ATAD1: variants seen among roughly 807,000 people sequenced by gnomAD.
The protein encoded by ATAD1 is ATPase family AAA domain containing 1.
Under a neutral mutation model 42.7 loss-of-function variants are expected in ATAD1, and 18 were observed. The ratio of observed to expected loss-of-function variants is 0.42; its 90% CI spans 0.29 to 0.63. The LOEUF (loss-of-function observed/expected upper bound fraction) is 0.63. Ranked by LOEUF, ATAD1 falls within the 20% of genes least tolerant of loss-of-function variation. The pLI is 0.19. For synonymous variants in ATAD1, 132 were observed against 143.1 expected (o/e 0.92, Z 0.55); for missense variants, 294 against 440.4 (o/e 0.67, Z 2.98).
chr10:87,841,313 G>A (rs1484351690), exon 1 of ATAD1: 1 of 152,128 alleles, frequency 6.6e-6, no homozygotes, highest in African/African-American at 2.4e-5. Flanking sequence ...AGTCTATGGG[G>A]GAGATGACAT....
intron 5 of ATAD1, 68 bp downstream of exon 5, chr10:87,784,402 T>C: frequency 1.4e-6 from 2 of 1,463,418 alleles, no homozygotes; most frequent in South Asian, 2.4e-5. Flanking sequence ...TGTTAAAAAC[T>C]AAATCTGGTT....
intron 2 of ATAD1, among the ~76,000 whole-genome samples, chr10:87,813,068 T>C (rs1286266808): frequency 6.6e-6 from 1 of 152,216 alleles, no homozygotes; most frequent in Non-Finnish European, 1.5e-5. Context: ...ATACCTAATA[T>C]TTAGAATAAT....
chr10:87,765,527 A>G (rs1854702791), intron 8 of ATAD1, among the ~76,000 whole-genome samples: 1 of 151,922 alleles, frequency 6.6e-6, no homozygotes, highest in Non-Finnish European at 1.5e-5. Context: ...AAATCGGAAG[A>G]CAACTTGGAA....
chr10:87,829,940 G>A (rs1857798870), intron 1 of ATAD1, among the ~76,000 whole-genome samples: 1 of 152,206 alleles, frequency 6.6e-6, no homozygotes, highest in Admixed American at 6.5e-5. Context: ...CTGCAATCTT[G>A]AAAGAAGTTC....
At chr10:87,797,105 CT>C (rs1226839273) in intron 2 of ATAD1, among the ~76,000 whole-genome samples, 4 of 152,284 alleles carry the variant, frequency 2.6e-5, no homozygotes, top group African/African-American at 9.6e-5. Context: ...GGGGTTTTGT[CT>C]TGGCTAAAGT....
chr10:87,783,076 T>C (rs1260609125), intron 5 of ATAD1, among the ~76,000 whole-genome samples: 3 of 152,032 alleles, frequency 2.0e-5, no homozygotes, highest in Non-Finnish European at 4.4e-5. Context: ...TAGATTAAAA[T>C]TTTTAGACAA....
At chr10:87,792,856 T>C in intron 2 of ATAD1, 101 bp from the exon 3 acceptor site, 1 of 846,874 alleles carries the variant, frequency 1.2e-6, no homozygotes, top group East Asian at 2.6e-5. Flanking sequence ...AACAGATAGA[T>C]ATACAAGAAA....
At chr10:87,835,535 T>C (rs1406316038) in intron 1 of ATAD1, among the ~76,000 whole-genome samples, 6 of 152,200 alleles carry the variant, frequency 3.9e-5, no homozygotes, top group Admixed American at 3.9e-4. Flanking sequence ...CATACCTATA[T>C]AAATGTATTT....
chr10:87,801,268 A>T (rs1489493521), intron 2 of ATAD1, among the ~76,000 whole-genome samples: 1 of 152,216 alleles, frequency 6.6e-6, no homozygotes, highest in Non-Finnish European at 1.5e-5. Flanking sequence ...AATGACCTGT[A>T]GTATGAAGTT....
Position 87,802,132 on chromosome 10 carries a change from G to A in ATAD1, c.163-9377C>T, listed in dbSNP as rs142293783. On this transcript the variant is annotated intron_variant, in intron 2 of 9. Transcript: ENST00000680024. ...AACTTATGGCAATACAGTTATTTGC[G>A]TAAGTGCAATAAGAATCTGTTTTCA... is the stretch of plus-strand genomic sequence containing the variant. Among the ~76,000 whole-genome samples, 524 of 152,172 alleles carry A rather than the reference G, an allele frequency of 3.4e-3. 3 individuals are homozygous for A. Among genetic ancestry groups the A allele is most frequent in the African/African-American group, 9.9e-3 (410 of 41,542 alleles).
intron 1 of ATAD1, chr10:87,833,016 T>C (rs1018335778): frequency 6.6e-6 from 1 of 152,172 alleles, no homozygotes; most frequent in African/African-American, 2.4e-5. Context: ...ACACCCAAGC[T>C]GCATAGTGAA....
chr10:87,780,593 A>C (rs1432193441), intron 5 of ATAD1, among the ~76,000 whole-genome samples: 1 of 152,154 alleles, frequency 6.6e-6, no homozygotes, highest in Non-Finnish European at 1.5e-5. Context: ...AAAGACTATT[A>C]ATGTATTTTA....
chr10:87,806,396 A>C (rs1856926745), intron 2 of ATAD1, among the ~76,000 whole-genome samples: 2 of 152,172 alleles, frequency 1.3e-5, no homozygotes, highest in Admixed American at 1.3e-4. Flanking sequence ...TCCAGGTTTA[A>C]GAACAAGAAC....
intron 1 of ATAD1, among the ~76,000 whole-genome samples, chr10:87,825,379 G>A (rs1259311622): frequency 2.1e-5 from 3 of 144,220 alleles, no homozygotes; most frequent in South Asian, 2.2e-4. Flanking sequence ...GCGCAATCTC[G>A]GCTCACCGCA....
intron 1 of ATAD1, among the ~76,000 whole-genome samples, chr10:87,833,375 C>G (rs754193415): frequency 4.6e-5 from 7 of 152,102 alleles, no homozygotes; most frequent in Non-Finnish European, 7.4e-5. Flanking sequence ...TTTTTTAAAT[C>G]ACTTATTTGG....
chr10:87,814,140 A>C (rs1338458805), intron 2 of ATAD1, among the ~76,000 whole-genome samples: 2 of 152,134 alleles, frequency 1.3e-5, no homozygotes, highest in East Asian at 3.8e-4. Flanking sequence ...TAGCCTAAAA[A>C]CTTTTATCTA....
In ATAD1 at chr10:87,817,869, G is replaced by A. The variant is rs984238698; in HGVS notation, c.-14+298C>T. ...TCCGGGACGACCTCAAACCCCCACA[G>A]TGACCAGGATGCCGACAAAGATTCC... On this transcript the variant is annotated intron_variant, in intron 1 of 9. Transcript: ENST00000680024. 6.1e-6 allele frequency: 6 copies of A among 985,468 alleles called. No homozygotes were observed. In the African/African-American group the frequency reaches 8.7e-5, roughly 14 times the overall value. 61.0% of individuals were successfully genotyped at this position (985,468 alleles called of 1,614,324 possible). A position where few individuals can be genotyped will look rare whatever the true frequency, so the allele number is the denominator to read the frequency against.
intron 2 of ATAD1, among the ~76,000 whole-genome samples, chr10:87,813,402 A>T (rs1024731614): frequency 4.6e-5 from 7 of 151,838 alleles, no homozygotes; most frequent in Admixed American, 4.6e-4. Flanking sequence ...AGAGACTTAC[A>T]AATAGGCTGA....
chr10:87,795,962 G>C (rs1856367542), intron 2 of ATAD1, among the ~76,000 whole-genome samples: 1 of 152,206 alleles, frequency 6.6e-6, no homozygotes, highest in Non-Finnish European at 1.5e-5. Flanking sequence ...GGTCATAGCT[G>C]AAGTGTTCCA....
Sources: gnomAD v4.1 joint callset for allele counts (sites outside exome capture counted in the v4.1 genomes callset) on GRCh38, gnomAD v4.1.1 for gene constraint, MANE v1.5 for transcripts, NCBI Gene and HGNC (gene_info 2026-07-23, HGNC 2026-07-21) for gene names.